MED13L: variants seen among roughly 807,000 people sequenced by gnomAD.
The protein encoded by MED13L is mediator of RNA polymerase II transcription subunit 13-like.
A neutral mutation model predicts 220.9 loss-of-function variants in MED13L; 7 were observed. That is an observed-to-expected ratio of 0.03 (90% CI 0.02 to 0.06). MED13L has a LOEUF of 0.06. Ranked by LOEUF, MED13L falls within the 10% of genes least tolerant of loss-of-function variation. The pLI is 1.00. For missense variants in MED13L, 1,965 were observed against 2,760.5 expected (o/e 0.71, Z 6.46); for synonymous variants, 1,011 against 1,015.2 (o/e 1.00, Z 0.08).
In MED13L at chr12:115,986,429, T is replaced by A; in HGVS notation, c.4175A>T (p.Asp1392Val). The change falls in exon 19 of 31, where the codon GAT (aspartate) becomes GTT (valine). Residue 1392 changes from aspartate (D) to valine (V), a missense_variant. By Grantham distance (152) the Asp-to-Val change is radical. Transcript: ENST00000281928. ...IPTLLVGYDK[D>V]FLTISPFSLP... Reference sequence around the variant, plus strand: ...GGAGAATGGCGAGATGGTGAGGAAATCCTTGTCATAGCCTACCAGCAGAGT... The same window carrying A: ...GGAGAATGGCGAGATGGTGAGGAAAACCTTGTCATAGCCTACCAGCAGAGT... The A allele has an allele frequency of 6.2e-7, 1 of 1,614,108 alleles. No homozygotes were observed. The highest frequency in any genetic ancestry group is 8.5e-7 in the Non-Finnish European group (1 of 1,180,006).
At chr12:116,046,271 AAC>A (rs1881827989) in intron 4 of MED13L, among the ~76,000 whole-genome samples, 2 of 152,310 alleles carry the variant, frequency 1.3e-5, no homozygotes, top group Non-Finnish European at 2.9e-5. Flanking sequence ...AAAAAACAAA[AAC>A]ACAAAGATGT....
intron 1 of MED13L, among the ~76,000 whole-genome samples, chr12:116,260,263 G>A (rs1438744551): frequency 1.3e-5 from 2 of 152,200 alleles, no homozygotes; most frequent in Non-Finnish European, 2.9e-5. Context: ...ACAATGGATA[G>A]TACACGCTGT....
intron 2 of MED13L, among the ~76,000 whole-genome samples, chr12:116,152,648 G>C (rs1027311449): frequency 3.3e-5 from 5 of 152,134 alleles, no homozygotes; most frequent in Admixed American, 1.3e-4. Context: ...AGCAACCAAG[G>C]AGAGAAGGAC....
intron 2 of MED13L, among the ~76,000 whole-genome samples, chr12:116,162,255 C>T (rs1878913288): frequency 6.6e-6 from 1 of 152,128 alleles, no homozygotes; most frequent in Non-Finnish European, 1.5e-5. Context: ...CTTATTTTCC[C>T]CATTGTTATG....
At chr12:116,276,195 T>G (rs983456800) in intron 1 of MED13L, among the ~76,000 whole-genome samples, 1 of 152,028 alleles carries the variant, frequency 6.6e-6, no homozygotes, top group African/African-American at 2.4e-5. Flanking sequence ...GCTTCAAGAT[T>G]AAGGCAGGCG....
At chr12:116,204,657 T>A (rs752139899) in intron 2 of MED13L, among the ~76,000 whole-genome samples, 44 of 152,204 alleles carry the variant, frequency 2.9e-4, no homozygotes, top group Non-Finnish European at 5.4e-4. Flanking sequence ...GATCTCACTC[T>A]CCATTATATG....
intron 21 of MED13L, 95 bp downstream of exon 21, chr12:115,983,022 C>T: frequency 7.3e-7 from 1 of 1,361,744 alleles, no homozygotes; most frequent in Non-Finnish European, 1.0e-6. Flanking sequence ...TCATAGGATT[C>T]ACAGAATCAT....
rs765651929 is a variant in MED13L, at chr12:116,237,713, A to AAG, written c.73-10_73-9dup. The AAG allele has an allele frequency of 7.8e-5, 125 of 1,611,962 alleles. No homozygotes were observed. Among genetic ancestry groups the AAG allele is most frequent in the Non-Finnish European group, 5.0e-5 (59 of 1,178,098 alleles). ...GATTCCCGTGAGTTCAGCCTGGAAA[A>AAG]AGACAAAAAATTGTAATCGTTTTCT... On this transcript the variant is annotated splice_polypyrimidine_tract_variant and intron_variant, in intron 1 of 30. Coordinates refer to ENST00000281928, the MANE Select transcript of MED13L (RefSeq NM_015335.5).
intron 4 of MED13L, among the ~76,000 whole-genome samples, chr12:116,086,570 C>T (rs1848438888): frequency 6.6e-6 from 1 of 152,212 alleles, no homozygotes; most frequent in South Asian, 2.1e-4. Flanking sequence ...GCGTGAGCTA[C>T]TGTGCCCGCC....
chr12:116,229,988 T>C (rs1296073420), intron 2 of MED13L, among the ~76,000 whole-genome samples: 2 of 152,236 alleles, frequency 1.3e-5, no homozygotes, highest in African/African-American at 4.8e-5. Context: ...AAAAGTATAC[T>C]TTATAAACTA....
At chr12:116,032,826 TTA>T (rs1345227756) in intron 4 of MED13L, among the ~76,000 whole-genome samples, 1 of 152,132 alleles carries the variant, frequency 6.6e-6, no homozygotes, top group Non-Finnish European at 1.5e-5. Context: ...TCTCTCTACA[TTA>T]TGTTCTTTCT....
chr12:116,161,568 T>C (rs763503600), intron 2 of MED13L, among the ~76,000 whole-genome samples: 3 of 152,098 alleles, frequency 2.0e-5, no homozygotes, highest in Admixed American at 1.3e-4. Context: ...TAATGATGAA[T>C]AGAACAAGGC....
chr12:116,091,131 A>AG (rs1190346313), intron 4 of MED13L, among the ~76,000 whole-genome samples: 2 of 151,544 alleles, frequency 1.3e-5, no homozygotes, highest in Non-Finnish European at 2.9e-5. Flanking sequence ...AAAAAAAAAA[A>AG]AAAAAAAAAA....
intron 3 of MED13L, among the ~76,000 whole-genome samples, chr12:116,102,743 A>G (rs1188031422): frequency 2.5e-4 from 15 of 59,096 alleles, no homozygotes; most frequent in Non-Finnish European, 9.1e-5. Context: ...TTTTTTTGAT[A>G]CGGAGTCTCA....
chr12:116,271,064 A>G (rs1418331389), intron 1 of MED13L, among the ~76,000 whole-genome samples: 40 of 150,502 alleles, frequency 2.7e-4, no homozygotes, highest in East Asian at 3.9e-4. Context: ...AAAAAAAAAA[A>G]AAAGAAAGAA....
Position 116,276,308 on chromosome 12 carries a change from T to TG in MED13L, c.72+751_72+752insC, listed in dbSNP as rs1873815302. 8.9e-5 allele frequency: 20 copies of TG among 224,906 alleles called. No individual in the cohort carries two copies. The East Asian group carries it at 1.1e-3, about 13-fold the overall frequency. The allele number at this position is 224,906 out of a possible 1,614,324, so 13.9% of individuals were successfully genotyped here. ...TATCAAACCGACCAGCTTGTTGCTT[T>TG]TGTGTGTGTGTGTGTGTGTGTGTGT... On this transcript the variant is annotated intron_variant, in intron 1 of 30. Coordinates refer to ENST00000281928, the MANE Select transcript of MED13L (RefSeq NM_015335.5).
In MED13L at chr12:115,975,252, T is replaced by C. The variant is rs748101708; in HGVS notation, c.5650A>G (p.Ile1884Val). The change falls in exon 25 of 31, where the codon ATA becomes GTA. Residue 1884 changes from isoleucine to valine, a missense_variant. Physicochemically the swap from Ile to Val is conservative, Grantham distance 29 (BLOSUM62 3). This residue lies in a region of MED13L where 23 missense variants were observed against 67.1 expected (regional missense o/e 0.34). Transcript: ENST00000281928. ...IGLQKLWEWC[I>V]GIVQMTSLPW... ...AGAGATGTCATTTGGACAATCCCTA[T>C]GCACCACTCCCATAACTTCTGTAGT... 1.6e-5 allele frequency: 26 copies of C among 1,614,140 alleles called. No individual in the cohort carries two copies. The highest frequency in any genetic ancestry group is 2.2e-5 in the East Asian group (1 of 44,876).
chr12:116,267,028 T>C lies in MED13L; in HGVS notation c.72+10032A>G, dbSNP rs546164868. On this transcript the variant is annotated intron_variant, in intron 1 of 30. Coordinates refer to ENST00000281928, the MANE Select transcript of MED13L (RefSeq NM_015335.5). ...TCTTTAAGAAGAAAAATATATTTATTAAGTACTATTCCTGACATTCCCTGA... is the reference window on the plus strand; with the variant it reads ...TCTTTAAGAAGAAAAATATATTTATCAAGTACTATTCCTGACATTCCCTGA... Among the ~76,000 whole-genome samples the C allele has an allele frequency of 1.8e-3, 274 of 152,360 alleles. 3 individuals carry two copies. Among genetic ancestry groups the C allele is most frequent in the Middle Eastern group, 6.8e-3 (2 of 294 alleles).
intron 4 of MED13L, among the ~76,000 whole-genome samples, chr12:116,049,342 A>G (rs1427164715): frequency 6.6e-6 from 1 of 152,258 alleles, no homozygotes; most frequent in Non-Finnish European, 1.5e-5. Context: ...AATGACTTAA[A>G]TAAAAACAAT....
Sources: allele counts gnomAD v4.1 joint callset (sites outside exome capture counted in the v4.1 genomes callset), GRCh38; gene constraint gnomAD v4.1.1; regional missense constraint gnomAD v4.1.1; transcripts MANE v1.5; gene names NCBI Gene and HGNC (gene_info 2026-07-23, HGNC 2026-07-21).